RYR2: variants seen among roughly 807,000 people sequenced by gnomAD.
The protein encoded by RYR2 is ryanodine receptor 2.
A neutral mutation model predicts 601.1 loss-of-function variants in RYR2; 227 were observed. That is an observed-to-expected ratio of 0.38 (90% CI 0.34 to 0.42). RYR2 has a LOEUF of 0.42. Ranked by LOEUF, RYR2 falls within the 10% of genes least tolerant of loss-of-function variation. RYR2 has a pLI of 1.00. For missense variants in RYR2, 4,646 were observed against 6,156.5 expected (o/e 0.75, Z 8.21); for synonymous variants, 2,223 against 2,175.1 (o/e 1.02, Z -0.61).
chr1:237,466,347 T>C (rs938971020), intron 16 of RYR2, among the ~76,000 whole-genome samples: 5 of 152,030 alleles, frequency 3.3e-5, no homozygotes, highest in African/African-American at 1.2e-4. Flanking sequence ...TTTAAAAATT[T>C]TGCACAGACT....
chr1:237,743,264 A>G (rs1350661258), intron 80 of RYR2, among the ~76,000 whole-genome samples: 2 of 152,200 alleles, frequency 1.3e-5, no homozygotes, highest in African/African-American at 4.8e-5. Context: ...CAGAGCAGTG[A>G]CCTTCCAGGA....
intron 2 of RYR2, among the ~76,000 whole-genome samples, chr1:237,284,339 C>T (rs1444048399): frequency 6.7e-6 from 1 of 149,564 alleles, no homozygotes; most frequent in Non-Finnish European, 1.5e-5. Flanking sequence ...GAGATTGCGC[C>T]ACTGCACTCC....
rs761304204 is a variant in RYR2 at position 237,423,127 on chromosome 1, T to C, written c.884T>C (p.Phe295Ser). 6.2e-7 allele frequency: 1 copy of C among 1,613,826 alleles called. No individual in the cohort carries two copies. Among genetic ancestry groups the C allele is most frequent in the Non-Finnish European group, 8.5e-7 (1 of 1,179,812 alleles). ...AGCCACATAAGATGGGGACAGCCAT[T>C]CCGACTACGCCATGTCACAACAGGA... is the stretch of plus-strand genomic sequence containing the variant. ...SGSHIRWGQP[F>S]RLRHVTTGKY... The change falls in exon 12 of 105, where the codon TTC becomes TCC. Residue 295 changes from phenylalanine to serine, a missense_variant. Phe to Ser is a radical substitution (Grantham distance 155). Coordinates refer to ENST00000366574, the MANE Select transcript of RYR2 (RefSeq NM_001035.3).
At chr1:237,523,995 G>C (rs1383322190) in intron 24 of RYR2, among the ~76,000 whole-genome samples, 3 of 152,120 alleles carry the variant, frequency 2.0e-5, no homozygotes, top group African/African-American at 7.2e-5. Context: ...TTGGAAAATA[G>C]TTTGGAAGTT....
chr1:237,334,843 A>G (rs1262579709), intron 3 of RYR2, among the ~76,000 whole-genome samples: 4 of 152,198 alleles, frequency 2.6e-5, no homozygotes, highest in Admixed American at 6.5e-5. Flanking sequence ...CATAGGGTTA[A>G]AAACAGGGGT....
chr1:237,447,088 C>T (rs892464054), intron 14 of RYR2, among the ~76,000 whole-genome samples: 1 of 152,110 alleles, frequency 6.6e-6, no homozygotes, highest in Non-Finnish European at 1.5e-5. Flanking sequence ...TTAGTCAACA[C>T]TGACTTCTTC....
intron 39 of RYR2, among the ~76,000 whole-genome samples, chr1:237,625,196 G>T (rs1014454942): frequency 7.2e-5 from 11 of 151,964 alleles, no homozygotes; most frequent in African/African-American, 2.7e-4. Context: ...CTGGTTTAGG[G>T]TACCTAATTA....
intron 1 of RYR2, among the ~76,000 whole-genome samples, chr1:237,227,850 G>A (rs763643902): frequency 1.3e-5 from 2 of 152,182 alleles, no homozygotes; most frequent in African/African-American, 2.4e-5. Flanking sequence ...TTAAATAAAT[G>A]TGTAGCTCAC....
intron 36 of RYR2, 36 bp downstream of exon 36, chr1:237,611,024 A>G (rs751559045): frequency 5.1e-6 from 8 of 1,575,266 alleles, no homozygotes; most frequent in South Asian, 2.3e-5. Flanking sequence ...TCTGATTGGG[A>G]CGCTTGGGAT....
At chr1:237,486,530 A>G (rs940407615) in intron 17 of RYR2, among the ~76,000 whole-genome samples, 4 of 129,524 alleles carry the variant, frequency 3.1e-5, no homozygotes, top group African/African-American at 1.2e-4. Flanking sequence ...AAGACTTAAA[A>G]GACTCCATAG....
At chr1:237,294,909 A>G (rs12024815) in intron 2 of RYR2, among the ~76,000 whole-genome samples, 69,130 of 151,922 alleles carry the variant, frequency 0.46, 15,935 homozygotes, top group African/African-American at 0.49. Context: ...AAATAAAATG[A>G]TGTTTGAGAA....
rs185610507 is a variant in RYR2 at position 237,699,466 on chromosome 1, T to A, written c.9128+441T>A. Among the ~76,000 whole-genome samples, 443 of 152,326 alleles carry A rather than the reference T, an allele frequency of 2.9e-3. 2 individuals are homozygous for A. The highest frequency in any genetic ancestry group is 0.01 in the African/African-American group (424 of 41,586). ...AAGTGTGTAGGTAGACGAATTCCCA[T>A]CTGTGTGCTTTCTACTCTGCCCTGT... On this transcript the variant is annotated intron_variant, in intron 64 of 104. Transcript: ENST00000366574.
chr1:237,789,390 T>G (rs926702991), intron 92 of RYR2, among the ~76,000 whole-genome samples: 2 of 152,242 alleles, frequency 1.3e-5, no homozygotes, highest in African/African-American at 2.4e-5. Flanking sequence ...GTAACTACAT[T>G]TCCTAAACCA....
At chr1:237,585,948 A>G (rs1370840141) in intron 29 of RYR2, among the ~76,000 whole-genome samples, 1 of 152,236 alleles carries the variant, frequency 6.6e-6, no homozygotes, top group Non-Finnish European at 1.5e-5. Flanking sequence ...ATTAAAAATT[A>G]CAAACATTCC....
chr1:237,646,166 C>T (rs1164633897), intron 48 of RYR2, among the ~76,000 whole-genome samples: 2 of 151,912 alleles, frequency 1.3e-5, no homozygotes, highest in Non-Finnish European at 2.9e-5. Flanking sequence ...TGTGAGCCAC[C>T]GTGCCCGGCC....
intron 1 of RYR2, among the ~76,000 whole-genome samples, chr1:237,148,563 C>T (rs5021555): frequency 0.029 from 2,358 of 82,196 alleles, 122 homozygotes; most frequent in African/African-American, 0.085. Context: ...TACACACACA[C>T]ATATATATAT....
intron 2 of RYR2, among the ~76,000 whole-genome samples, chr1:237,283,564 A>G (rs1011641362): frequency 1.3e-5 from 2 of 152,158 alleles, no homozygotes; most frequent in South Asian, 2.1e-4. Context: ...TTCCTTATTT[A>G]GGCTAATAAT....
At chr1:237,484,384 G>A (rs916419214) in intron 17 of RYR2, among the ~76,000 whole-genome samples, 58 of 152,144 alleles carry the variant, frequency 3.8e-4, no homozygotes, top group African/African-American at 1.3e-3. Context: ...GGGCATGGTG[G>A]TTTCTAAGTC....
intron 35 of RYR2, among the ~76,000 whole-genome samples, chr1:237,606,745 C>A (rs1225796644): frequency 6.6e-6 from 1 of 152,140 alleles, no homozygotes; most frequent in East Asian, 1.9e-4. Flanking sequence ...AAACAAACAA[C>A]CCCATCAAAA....
Sources: gnomAD v4.1 joint callset for allele counts (sites outside exome capture counted in the v4.1 genomes callset) on GRCh38, gnomAD v4.1.1 for gene constraint, MANE v1.5 for transcripts, NCBI Gene and HGNC (gene_info 2026-07-23, HGNC 2026-07-21) for gene names.